RAB3C: variants seen among roughly 807,000 people sequenced by gnomAD.
RAB3C encodes ras-related protein Rab-3C.
In RAB3C, 17 loss-of-function variants were observed where a neutral mutation model predicts 26.4. The ratio of observed to expected loss-of-function variants is 0.64; its 90% CI spans 0.44 to 0.97. The LOEUF is 0.97. RAB3C is among the 50% of genes least tolerant of loss of function. The probability of loss-of-function intolerance (pLI) is 0.00; values close to 1 mark genes in which losing one functional copy is unlikely to be tolerated. For synonymous variants in RAB3C, 91 were observed against 95.9 expected (o/e 0.95, Z 0.30); for missense variants, 242 against 281.9 (o/e 0.86, Z 1.01).
intron 3 of RAB3C, among the ~76,000 whole-genome samples, chr5:58,743,486 G>A (rs934198427): frequency 6.6e-6 from 1 of 151,996 alleles, no homozygotes; most frequent in Non-Finnish European, 1.5e-5. Flanking sequence ...ATGGTGGTTT[G>A]CTGCACCCAT....
intron 2 of RAB3C, among the ~76,000 whole-genome samples, chr5:58,657,689 T>C (rs555693001): frequency 5.8e-4 from 89 of 152,284 alleles, no homozygotes; most frequent in African/African-American, 1.9e-3. Flanking sequence ...GAAGGTCTGA[T>C]TTTATTCTAA....
At chr5:58,788,609 A>C (rs952339306) in intron 3 of RAB3C, among the ~76,000 whole-genome samples, 2 of 152,224 alleles carry the variant, frequency 1.3e-5, no homozygotes. Context: ...CTTTAGGCAC[A>C]CTTCTGAGTA....
intron 2 of RAB3C, among the ~76,000 whole-genome samples, chr5:58,725,635 G>T (rs988196985): frequency 2.0e-5 from 3 of 151,946 alleles, no homozygotes; most frequent in Non-Finnish European, 2.9e-5. Flanking sequence ...TAACTCAGTA[G>T]GGTGACTATA....
chr5:58,734,821 T>C (rs2111935196), intron 3 of RAB3C, among the ~76,000 whole-genome samples: 1 of 152,324 alleles, frequency 6.6e-6, no homozygotes, highest in South Asian at 2.1e-4. Flanking sequence ...ATTCTCATTA[T>C]CCATGGCAGT....
At chr5:58,714,008 A>AG (rs1324563382) in intron 2 of RAB3C, among the ~76,000 whole-genome samples, 4 of 152,210 alleles carry the variant, frequency 2.6e-5, no homozygotes, top group African/African-American at 9.6e-5. Flanking sequence ...ACATGTAAAA[A>AG]GAATGTAAAT....
chr5:58,602,929 A>T (rs1746488220), intron 1 of RAB3C, among the ~76,000 whole-genome samples: 1 of 152,106 alleles, frequency 6.6e-6, no homozygotes, highest in South Asian at 2.1e-4. Context: ...ATGCTTTAAT[A>T]AGGTTCTGTT....
chr5:58,838,205 C>G (rs1743791646), intron 4 of RAB3C, among the ~76,000 whole-genome samples: 1 of 151,926 alleles, frequency 6.6e-6, no homozygotes, highest in Admixed American at 6.6e-5. Flanking sequence ...ACAGTGAAAC[C>G]CCGTCTCTAC....
At chr5:58,745,476 C>G (rs1421352007) in intron 3 of RAB3C, among the ~76,000 whole-genome samples, 1 of 150,768 alleles carries the variant, frequency 6.6e-6, no homozygotes, top group Non-Finnish European at 1.5e-5. Context: ...ACCCACCAGA[C>G]CACAAGCTGT....
At position 58,673,447 on chromosome 5, in the gene RAB3C, TACACACAC is replaced by T. The variant is rs71604758; in HGVS notation, c.253-52521_253-52514del. Among the ~76,000 whole-genome samples, 313 of 146,034 alleles carry T rather than the reference TACACACAC, an allele frequency of 2.1e-3. 1 individual carries two copies. Among genetic ancestry groups the T allele is most frequent in the South Asian group, 0.013 (58 of 4,456 alleles). On this transcript the variant is annotated intron_variant, in intron 2 of 4. Transcript: ENST00000282878. ...TTTCTTCTTCTCAACGAACTAGTTATACACACACACACACACACACACACACACACACA... is the reference window on the plus strand; with the variant it reads ...TTTCTTCTTCTCAACGAACTAGTTATACACACACACACACACACACACACA...
At chr5:58,678,743 A>G (rs1748283615) in intron 2 of RAB3C, among the ~76,000 whole-genome samples, 1 of 152,154 alleles carries the variant, frequency 6.6e-6, no homozygotes, top group Admixed American at 6.5e-5. Flanking sequence ...CAATAACCCA[A>G]CTGCAAGTCA....
intron 2 of RAB3C, among the ~76,000 whole-genome samples, chr5:58,706,066 G>A (rs1456145146): frequency 6.6e-6 from 1 of 152,152 alleles, no homozygotes; most frequent in African/African-American, 2.4e-5. Context: ...TTTTAAAAAT[G>A]CAAATAAAAA....
At chr5:58,590,532 C>CTTATTTATTTATTTAT (rs34521886) in intron 1 of RAB3C, among the ~76,000 whole-genome samples, 11 of 151,430 alleles carry the variant, frequency 7.3e-5, no homozygotes, top group African/African-American at 2.4e-4. Context: ...ATTTGGTTCA[C>CTTATTTATTTATTTAT]TTATTTATTT....
At chr5:58,777,363 T>G (rs893430987) in intron 3 of RAB3C, among the ~76,000 whole-genome samples, 2 of 152,182 alleles carry the variant, frequency 1.3e-5, no homozygotes, top group African/African-American at 4.8e-5. Flanking sequence ...TATGCCAGGG[T>G]GTTCTGTGTT....
At chr5:58,587,573 G>T (rs1746038638) in intron 1 of RAB3C, among the ~76,000 whole-genome samples, 2 of 152,194 alleles carry the variant, frequency 1.3e-5, no homozygotes, top group South Asian at 4.1e-4. Flanking sequence ...TAGGTTTTTA[G>T]ATAATATTTA....
intron 2 of RAB3C, among the ~76,000 whole-genome samples, chr5:58,648,912 A>C (rs561782605): frequency 6.6e-6 from 1 of 152,172 alleles, no homozygotes; most frequent in Admixed American, 6.5e-5. Context: ...TGGCTATCTC[A>C]AGGCTTCATC....
At chr5:58,832,618 C>T (rs1456059507) in intron 4 of RAB3C, among the ~76,000 whole-genome samples, 1 of 152,194 alleles carries the variant, frequency 6.6e-6, no homozygotes. Flanking sequence ...GAGGCATGGA[C>T]TCAGTGCTAG....
intron 3 of RAB3C, among the ~76,000 whole-genome samples, chr5:58,766,071 CTG>C (rs1176517776): frequency 6.6e-6 from 1 of 151,872 alleles, no homozygotes; most frequent in African/African-American, 2.4e-5. Context: ...GCTTGTGGAA[CTG>C]TGAGTCAATT....
Position 58,716,087 on chromosome 5 carries a change from G to A in RAB3C, c.253-9915G>A, listed in dbSNP as rs1749167445. Among the ~76,000 whole-genome samples the A allele has an allele frequency of 3.3e-5, 4 of 121,420 alleles. No individual in the cohort carries two copies. In the South Asian group the frequency reaches 1.1e-3, roughly 33 times the overall value. The allele number at this position is 121,420 out of a possible 152,430, so 79.7% of individuals were successfully genotyped here. ...TAAATAAATACATAAAAGTCTTTCA[G>A]CAGGAAAAAAAAAAAAGAAATAAGG... On this transcript the variant is annotated intron_variant, in intron 2 of 4. Transcript: ENST00000282878.
At chr5:58,756,347 TTATATATATATATAACA>T (rs1229344711) in intron 3 of RAB3C, among the ~76,000 whole-genome samples, 19 of 136,270 alleles carry the variant, frequency 1.4e-4, no homozygotes, top group Non-Finnish European at 2.9e-4. Context: ...CATATATATG[TTATATATATATATAACA>T]TATATATATA....
Sources: allele counts gnomAD v4.1 joint callset (sites outside exome capture counted in the v4.1 genomes callset), GRCh38; gene constraint gnomAD v4.1.1; transcripts MANE v1.5; gene names NCBI Gene and HGNC (gene_info 2026-07-23, HGNC 2026-07-21).